Variants in CR1 observed in about 807,000 individuals in gnomAD.
CR1 encodes the protein complement receptor type 1.
In CR1, 116 loss-of-function variants were observed where a neutral mutation model predicts 187.3. That is an observed-to-expected ratio of 0.62 (90% CI 0.53 to 0.72). CR1 has a LOEUF of 0.72. CR1 is among the 30% of genes least tolerant of loss of function. CR1 has a pLI of 0.00. For missense variants in CR1, 1,731 were observed against 2,110.7 expected, an observed-to-expected ratio of 0.82 and a Z score of 3.52; for synonymous variants, 576 against 747.1, an observed-to-expected ratio of 0.77 and a Z score of 3.73.
chr1:207,515,280 G>A (rs1389473280), intron 4 of CR1, among the ~76,000 whole-genome samples: 4 of 142,112 alleles, frequency 2.8e-5, no homozygotes, highest in Middle Eastern at 4.0e-3. Flanking sequence ...TACATATATA[G>A]GTATATGTAT....
At chr1:207,580,683 C>A in intron 31 of CR1, 70 bp downstream of exon 31, 3 of 1,376,190 alleles carry the variant, frequency 2.2e-6, no homozygotes, top group South Asian at 1.3e-5. Flanking sequence ...AAGGATCAAT[C>A]CAAAAAGAGG....
rs1660561772 is a variant in CR1, at chr1:207,568,017, C to A, written c.4146C>A (p.Ser1382Arg). 1 of 1,610,592 alleles carries A rather than the reference C, an allele frequency of 6.2e-7. No homozygotes were observed. The highest frequency in any genetic ancestry group is 1.7e-5 in the Admixed American group (1 of 59,928). ...SDPQGNGVWSSPAPRCGILGH... is the reference protein window; with the variant it reads ...SDPQGNGVWSRPAPRCGILGH... Reference sequence around the variant, plus strand: ...CTCAAGGGAATGGGGTTTGGAGCAGCCCTGCCCCTCGCTGTGGAATTCTGG... The same window carrying A: ...CTCAAGGGAATGGGGTTTGGAGCAGACCTGCCCCTCGCTGTGGAATTCTGG... The change falls in exon 25 of 47, where the codon AGC becomes AGA. Residue 1382 changes from serine (S) to arginine (R), a missense_variant. Transcript: ENST00000367049.
chr1:207,623,261 A>C (rs375976535), intron 45 of CR1, among the ~76,000 whole-genome samples, 193 bp downstream of exon 45: 5 of 123,340 alleles, frequency 4.1e-5, no homozygotes, highest in Middle Eastern at 3.8e-3. Flanking sequence ...ACTAAGAACA[A>C]TTAAAAAATA....
chr1:207,623,202 C>T (rs1263762178), intron 45 of CR1, 134 bp downstream of exon 45: 8 of 638,592 alleles, frequency 1.3e-5, no homozygotes, highest in Non-Finnish European at 1.9e-5. Context: ...AAGTCCTTGA[C>T]ACACAGTATA....
In CR1 at chr1:207,577,551, T is replaced by C. The variant is rs538524628; in HGVS notation, c.4538-254T>C. Among the ~76,000 whole-genome samples, 4 of 152,020 alleles carry C rather than the reference T, an allele frequency of 2.6e-5. No individual in the cohort carries two copies. The East Asian group carries it at 7.8e-4, about 30-fold the overall frequency. On this transcript the variant is annotated intron_variant, in intron 28 of 46. Transcript: ENST00000367049. ...TTGAAAGGCCGAGGCAGGCGGATTG[T>C]TTGAGGCCAGGAGTTCAAGACTAGC...
At chr1:207,630,398 G>C (rs1662603251) in intron 45 of CR1, 119 bp from the exon 46 acceptor site, 1 of 596,940 alleles carries the variant, frequency 1.7e-6, no homozygotes, top group East Asian at 3.1e-5. Context: ...GTCTTGCAAA[G>C]ATATCAGGAA....
intron 41 of CR1, 118 bp from the exon 42 acceptor site, chr1:207,617,953 G>T: frequency 9.2e-7 from 1 of 1,090,280 alleles, no homozygotes; most frequent in Non-Finnish European, 1.3e-6. Flanking sequence ...TTATGACCTG[G>T]CTGGTTGAGG....
At chr1:207,502,249 G>C (rs925735261) in intron 1 of CR1, among the ~76,000 whole-genome samples, 7 of 152,028 alleles carry the variant, frequency 4.6e-5, no homozygotes, top group Non-Finnish European at 8.8e-5. Flanking sequence ...AGCACACAAA[G>C]ATAAAAAGCA....
chr1:207,599,596 G>T (rs970201647), intron 35 of CR1, among the ~76,000 whole-genome samples: 28 of 152,298 alleles, frequency 1.8e-4, no homozygotes, highest in African/African-American at 5.8e-4. Flanking sequence ...GCAGTAGGTT[G>T]AATAAATCAT....
rs139576579 is a variant in CR1 at position 207,574,478 on chromosome 1, T to C, written c.4452-1117T>C. ...GTACCATTTAAGTATGTTTCCCAGG[T>C]AATTCATAAGCAAATTTTTAAAAAG... On this transcript the variant is annotated intron_variant, in intron 27 of 46. Transcript: ENST00000367049. Among the ~76,000 whole-genome samples the C allele has an allele frequency of 7.8e-3, 1,181 of 152,242 alleles. 11 individuals are homozygous for C. Among genetic ancestry groups the C allele is most frequent in the African/African-American group, 0.026 (1,068 of 41,552 alleles).
At chr1:207,522,728 A>C (rs1660035397) in intron 4 of CR1, among the ~76,000 whole-genome samples, 1 of 152,222 alleles carries the variant, frequency 6.6e-6, no homozygotes, top group South Asian at 2.1e-4. Flanking sequence ...GATTACTATT[A>C]GTAGAAGCAG....
intron 1 of CR1, among the ~76,000 whole-genome samples, chr1:207,498,827 G>A (rs1234557813): frequency 3.2e-5 from 4 of 123,830 alleles, no homozygotes; most frequent in African/African-American, 6.0e-5. Context: ...GCAGTGAGTC[G>A]AGATCGTGCC....
chr1:207,621,484 A>C (rs987894003), intron 43 of CR1, among the ~76,000 whole-genome samples: 3 of 152,192 alleles, frequency 2.0e-5, no homozygotes, highest in Non-Finnish European at 4.4e-5. Flanking sequence ...CTAAGGAAAT[A>C]ATGTAAAATA....
chr1:207,584,091 C>A (rs1661038141), intron 32 of CR1, among the ~76,000 whole-genome samples: 1 of 152,066 alleles, frequency 6.6e-6, no homozygotes, highest in Non-Finnish European at 1.5e-5. Flanking sequence ...GAGTACATAG[C>A]ATTTTTTTTT....
chr1:207,515,316 A>ATATATATAGTG (rs2102295170), intron 4 of CR1, among the ~76,000 whole-genome samples: 1 of 149,524 alleles, frequency 6.7e-6, no homozygotes, highest in East Asian at 2.0e-4. Context: ...ATATATATAT[A>ATATATATAGTG]CACATATATA....
chr1:207,594,153 C>T (rs1460066499), intron 35 of CR1, among the ~76,000 whole-genome samples: 7 of 152,134 alleles, frequency 4.6e-5, no homozygotes, highest in African/African-American at 7.2e-5. Context: ...CACATGCACA[C>T]GTATGTTTAT....
At chr1:207,523,516 T>A (rs1304472213) in intron 4 of CR1, 95 bp from the exon 5 acceptor site, 63 of 1,556,600 alleles carry the variant, frequency 4.0e-5, no homozygotes, top group Admixed American at 2.5e-4. Context: ...AAGCAAATAA[T>A]GAATGTAAAA....
At chr1:207,517,697 T>G (rs1659848019) in intron 4 of CR1, among the ~76,000 whole-genome samples, 1 of 152,148 alleles carries the variant, frequency 6.6e-6, no homozygotes, top group African/African-American at 2.4e-5. Flanking sequence ...ACTATTATTT[T>G]ATATCTTATT....
At chr1:207,503,316 A>G (rs1659331765) in intron 1 of CR1, among the ~76,000 whole-genome samples, 1 of 152,234 alleles carries the variant, frequency 6.6e-6, no homozygotes, top group Admixed American at 6.5e-5. Context: ...TTTTAATACT[A>G]TATACCATTC....
Sources: gnomAD v4.1 joint callset for allele counts (sites outside exome capture counted in the v4.1 genomes callset) on GRCh38, gnomAD v4.1.1 for gene constraint, MANE v1.5 for transcripts, NCBI Gene and HGNC (gene_info 2026-07-23, HGNC 2026-07-21) for gene names.